Variants in AFAP1 observed in about 807,000 individuals in gnomAD.
The protein encoded by AFAP1 is actin filament associated protein 1.
In AFAP1, 75 loss-of-function variants were observed where a neutral mutation model predicts 93.9. The ratio of observed to expected loss-of-function variants is 0.80; its 90% confidence interval spans 0.66 to 0.97. The LOEUF is 0.97. AFAP1 is among the 50% of genes least tolerant of loss of function. AFAP1 has a pLI of 0.00. For missense variants in AFAP1, 1,201 were observed against 1,050.8 expected, an observed-to-expected ratio of 1.14 and a Z score of -1.98; for synonymous variants, 517 against 430.7, an observed-to-expected ratio of 1.20 and a Z score of -2.48.
intron 1 of AFAP1, among the ~76,000 whole-genome samples, chr4:7,920,037 A>G (rs549391882): frequency 6.6e-6 from 1 of 152,136 alleles, no homozygotes; most frequent in Non-Finnish European, 1.5e-5. Context: ...TCTTTAGTCT[A>G]TCATTGATGG....
chr4:7,917,797 G>C (rs1007674156), intron 1 of AFAP1, among the ~76,000 whole-genome samples: 1 of 152,124 alleles, frequency 6.6e-6, no homozygotes, highest in African/African-American at 2.4e-5. Context: ...GTACCTGCCC[G>C]GGGCTATTAG....
At chr4:7,793,162 AT>A (rs1286026124) in intron 11 of AFAP1, among the ~76,000 whole-genome samples, 4,699 of 118,882 alleles carry the variant, frequency 0.04, 246 homozygotes, top group African/African-American at 0.14. Flanking sequence ...TGACTGCAGC[AT>A]TTTTTTTTTT....
intron 2 of AFAP1, among the ~76,000 whole-genome samples, chr4:7,870,434 C>T (rs1716920460): frequency 6.6e-6 from 1 of 152,154 alleles, no homozygotes. Flanking sequence ...CCGAGGCAGG[C>T]AGACTGCTTG....
chr4:7,783,994 G>C (rs1031427868), intron 12 of AFAP1, among the ~76,000 whole-genome samples: 1 of 152,210 alleles, frequency 6.6e-6, no homozygotes, highest in Non-Finnish European at 1.5e-5. Context: ...GGGTGACACA[G>C]GGCAAATGGA....
intron 17 of AFAP1, among the ~76,000 whole-genome samples, chr4:7,766,576 TCTCCAGGTGACTGTGTCAC>T (rs1240653825): frequency 1.1e-4 from 14 of 125,866 alleles, no homozygotes; most frequent in African/African-American, 3.5e-4. Context: ...GGAAACAGAA[TCTCCAGGTGACTGTGTCAC>T]GGGAGGGAAA....
At chr4:7,867,116 G>A (rs1166075720) in intron 3 of AFAP1, among the ~76,000 whole-genome samples, 1 of 74,736 alleles carries the variant, frequency 1.3e-5, no homozygotes, top group Admixed American at 1.4e-4. Context: ...TAGAGGGGAG[G>A]GGAGGGTAGG....
intron 6 of AFAP1, among the ~76,000 whole-genome samples, chr4:7,834,941 G>C (rs1157885798): frequency 6.7e-6 from 1 of 150,290 alleles, no homozygotes. Flanking sequence ...GGTGGCTCTT[G>C]AATGGACTGC....
chr4:7,893,118 C>T (rs1207048775), intron 1 of AFAP1, among the ~76,000 whole-genome samples: 1 of 152,190 alleles, frequency 6.6e-6, no homozygotes, highest in East Asian at 1.9e-4. Context: ...CCCGTTTCTC[C>T]TGGTCTCTTC....
At chr4:7,902,476 A>C (rs142445191) in intron 1 of AFAP1, among the ~76,000 whole-genome samples, 1 of 152,200 alleles carries the variant, frequency 6.6e-6, no homozygotes, top group South Asian at 2.1e-4. Flanking sequence ...GACTGAGAAG[A>C]AAACAGAAAC....
intron 1 of AFAP1, among the ~76,000 whole-genome samples, chr4:7,929,908 G>C (rs1344223): frequency 6.6e-6 from 1 of 152,042 alleles, no homozygotes; most frequent in Admixed American, 6.6e-5. Context: ...AGGCCACAAC[G>C]GTCAACTTGG....
chr4:7,831,505 C>A (rs767838882), intron 6 of AFAP1, among the ~76,000 whole-genome samples: 1 of 152,070 alleles, frequency 6.6e-6, no homozygotes, highest in Middle Eastern at 3.4e-3. Flanking sequence ...TGGTGAAACA[C>A]GATACAAGAT....
chr4:7,790,609 TG>T (rs1464829535), intron 11 of AFAP1, among the ~76,000 whole-genome samples: 1 of 152,100 alleles, frequency 6.6e-6, no homozygotes, highest in Non-Finnish European at 1.5e-5. Flanking sequence ...CTTTTATGTC[TG>T]CTAGTTGGGC....
At chr4:7,785,653 T>C (rs1242864340) in intron 12 of AFAP1, among the ~76,000 whole-genome samples, 2 of 152,212 alleles carry the variant, frequency 1.3e-5, no homozygotes, top group Non-Finnish European at 2.9e-5. Flanking sequence ...ACAGCGACAT[T>C]AGGCCAGGCA....
At chr4:7,930,234 G>A (rs1304942677) in intron 1 of AFAP1, among the ~76,000 whole-genome samples, 1 of 152,198 alleles carries the variant, frequency 6.6e-6, no homozygotes. Context: ...GGGCAGGGAG[G>A]TCGGGGCTCC....
intron 3 of AFAP1, among the ~76,000 whole-genome samples, 162 bp from the exon 4 acceptor site, chr4:7,855,736 A>C (rs1714975231): frequency 6.6e-6 from 1 of 152,140 alleles, no homozygotes; most frequent in Non-Finnish European, 1.5e-5. Context: ...GCCAGCCCTG[A>C]TGTGTCTCTC....
At chr4:7,774,615 AAC>A (rs1370993641) in intron 15 of AFAP1, 122 bp downstream of exon 15, 1 of 1,355,718 alleles carries the variant, frequency 7.4e-7, no homozygotes, top group Non-Finnish European at 9.9e-7. Flanking sequence ...ACTGTGAGAT[AAC>A]CCACTCTTAC....
chr4:7,786,348 AC>A, intron 11 of AFAP1, 37 bp from the exon 12 acceptor site: 1 of 1,524,978 alleles, frequency 6.6e-7, no homozygotes, highest in Non-Finnish European at 9.1e-7. Flanking sequence ...CCATAACCTG[AC>A]CACCTTTTAC....
intron 10 of AFAP1, among the ~76,000 whole-genome samples, chr4:7,797,229 T>C (rs1718513431): frequency 6.6e-6 from 1 of 152,170 alleles, no homozygotes; most frequent in South Asian, 2.1e-4. Context: ...AAACTGTCAT[T>C]ATGATTGTTA....
intron 1 of AFAP1, among the ~76,000 whole-genome samples, chr4:7,918,735 A>G (rs12507184): frequency 0.53 from 54,956 of 103,382 alleles, 17,489 homozygotes; most frequent in African/African-American, 0.85. Context: ...TGAGACACTC[A>G]GCCCAGGTCA....
Sources: allele counts gnomAD v4.1 joint callset (sites outside exome capture counted in the v4.1 genomes callset), GRCh38; gene constraint gnomAD v4.1.1; transcripts MANE v1.5; gene names NCBI Gene and HGNC (gene_info 2026-07-23, HGNC 2026-07-21).